Variants in EVI5 observed in about 807,000 individuals in gnomAD.
The protein encoded by EVI5 is ecotropic viral integration site 5.
A neutral mutation model predicts 112.0 loss-of-function variants in EVI5; 73 were observed. The ratio of observed to expected loss-of-function variants is 0.65; its 90% CI spans 0.54 to 0.79. The LOEUF (loss-of-function observed/expected upper bound fraction) is 0.79. Ranked by LOEUF, EVI5 falls within the 30% of genes least tolerant of loss-of-function variation. The pLI, the probability that EVI5 is intolerant of heterozygous loss-of-function variation, is 0.00. For synonymous variants in EVI5, 305 were observed against 319.9 expected (o/e 0.95, Z 0.50); for missense variants, 900 against 968.8 (o/e 0.93, Z 0.94).
rs11370771 is a variant in EVI5 at position 92,560,873 on chromosome 1, C to CTT, written c.2166+2767_2166+2768dup. On this transcript the variant is annotated intron_variant, in intron 19 of 19. Coordinates refer to ENST00000684568, the MANE Select transcript of EVI5 (RefSeq NM_001350197.2). ...AGCCATTGCACCCAGCCTACAAAAG[C>CTT]TTTTTTTTTTTTTTAAAGCTTCTGT... is the stretch of plus-strand genomic sequence containing the variant. 0.013 allele frequency among the ~76,000 whole-genome samples: 1,907 copies of CTT among 146,710 alleles called. 104 individuals carry two copies. In the East Asian group the frequency reaches 0.18, roughly 14 times the overall value.
At chr1:92,554,702 T>C (rs1667432160) in intron 19 of EVI5, among the ~76,000 whole-genome samples, 1 of 152,256 alleles carries the variant, frequency 6.6e-6, no homozygotes, top group Non-Finnish European at 1.5e-5. Flanking sequence ...GGCACAGTAG[T>C]TGATGCCTGT....
chr1:92,696,617 A>G (rs755960585), intron 6 of EVI5, among the ~76,000 whole-genome samples: 1 of 152,012 alleles, frequency 6.6e-6, no homozygotes, highest in Non-Finnish European at 1.5e-5. Context: ...AGCCTGGACA[A>G]CAGAGCTAGA....
At chr1:92,639,393 ATAT>A (rs1231563857) in intron 13 of EVI5, among the ~76,000 whole-genome samples, 2 of 152,078 alleles carry the variant, frequency 1.3e-5, no homozygotes, top group African/African-American at 4.8e-5. Flanking sequence ...GAAGTTTCTC[ATAT>A]TATTAAAAAA....
chr1:92,664,966 G>A (rs1487648372), intron 11 of EVI5, among the ~76,000 whole-genome samples: 1 of 152,156 alleles, frequency 6.6e-6, no homozygotes, highest in Non-Finnish European at 1.5e-5. Flanking sequence ...CAGCACTTTC[G>A]GAGGCCGAGG....
intron 18 of EVI5, among the ~76,000 whole-genome samples, chr1:92,602,402 A>C (rs989167614): frequency 1.3e-5 from 2 of 151,700 alleles, no homozygotes; most frequent in African/African-American, 4.9e-5. Flanking sequence ...TTTATTAAAA[A>C]AATTTTTTTT....
intron 14 of EVI5, among the ~76,000 whole-genome samples, chr1:92,635,628 G>A (rs527611865): frequency 2.0e-5 from 3 of 152,022 alleles, no homozygotes; most frequent in East Asian, 3.9e-4. Context: ...TGCGCTTCGC[G>A]GCTCAGGCTC....
chr1:92,748,423 A>G (rs1679650419), intron 1 of EVI5, among the ~76,000 whole-genome samples: 1 of 152,234 alleles, frequency 6.6e-6, no homozygotes, highest in African/African-American at 2.4e-5. Flanking sequence ...AGCTGAGACC[A>G]AAGACGTGAA....
chr1:92,785,062 GCCAGCTGGTTCCT>G lies in EVI5; in HGVS notation c.-321_-309del. 1 of 985,574 alleles carries G rather than the reference GCCAGCTGGTTCCT, an allele frequency of 1.0e-6. No homozygotes were observed. The highest frequency in any genetic ancestry group is 1.2e-6 in the Non-Finnish European group (1 of 830,074). 61.1% of individuals were successfully genotyped at this position (985,574 alleles called of 1,614,324 possible). ...ACTGCAGCCAGCCCCTTGCCAGCTG[GCCAGCTGGTTCCT>G]CCGGGGTCCGGCCCGGCCGCGTCAG... On this transcript the variant is annotated 5_prime_UTR_variant, in exon 1 of 20. Transcript: ENST00000684568.
Position 92,693,850 on chromosome 1 carries a change from A to C in EVI5, c.1049T>G (p.Leu350Arg). The change falls in exon 9 of 20, where the codon CTA becomes CGA. Residue 350 changes from leucine to arginine, a missense_variant. By Grantham distance (102) the Leu-to-Arg change is moderately radical. Coordinates refer to ENST00000684568, the MANE Select transcript of EVI5 (RefSeq NM_001350197.2). ...PHQFDGVPDK[L>R]IQAAYQVKYN... Reference sequence around the variant, plus strand: ...TTTGACTTGGTAAGCTGCTTGGATTAGCTTGTCTGGGACACCATCAAACTG... The same window carrying C: ...TTTGACTTGGTAAGCTGCTTGGATTCGCTTGTCTGGGACACCATCAAACTG... 1 of 1,608,148 alleles carries C rather than the reference A, an allele frequency of 6.2e-7. No individual in the cohort carries two copies. The highest frequency in any genetic ancestry group is 2.2e-5 in the East Asian group (1 of 44,850).
chr1:92,567,856 A>T (rs1439044132), intron 18 of EVI5, among the ~76,000 whole-genome samples: 1 of 152,214 alleles, frequency 6.6e-6, no homozygotes, highest in African/African-American at 2.4e-5. Flanking sequence ...AATACACCTT[A>T]TGCTTTTTAG....
intron 19 of EVI5, among the ~76,000 whole-genome samples, chr1:92,530,543 G>A (rs1432805751): frequency 2.6e-5 from 4 of 152,010 alleles, no homozygotes; most frequent in African/African-American, 9.7e-5. Flanking sequence ...GAGAGCTCTG[G>A]CTAGCATCTG....
At chr1:92,737,117 TGGG>T (rs1677572280) in intron 1 of EVI5, among the ~76,000 whole-genome samples, 1 of 152,052 alleles carries the variant, frequency 6.6e-6, no homozygotes, top group Non-Finnish European at 1.5e-5. Flanking sequence ...CAACAAAAAC[TGGG>T]TGTATTTAGC....
intron 2 of EVI5, among the ~76,000 whole-genome samples, chr1:92,716,277 C>T (rs1182636): frequency 0.06 from 9,163 of 152,222 alleles, 394 homozygotes; most frequent in Non-Finnish European, 0.09. Flanking sequence ...AAAGATCAGG[C>T]AGCAATATTT....
Position 92,785,101 on chromosome 1 carries a change from G to C in EVI5, c.-347C>G, listed in dbSNP as rs1685465023. 7 of 985,570 alleles carry C rather than the reference G, an allele frequency of 7.1e-6. No individual in the cohort carries two copies. The highest frequency in any genetic ancestry group is 8.4e-6 in the Non-Finnish European group (7 of 830,038). 61.1% of individuals were successfully genotyped at this position (985,570 alleles called of 1,614,324 possible). Reference sequence around the variant, plus strand: ...CCGGGGTCCGGCCCGGCCGCGTCAGGAGAGCCCAAGGCGCAGGCGCGGGAG... The same window carrying C: ...CCGGGGTCCGGCCCGGCCGCGTCAGCAGAGCCCAAGGCGCAGGCGCGGGAG... On this transcript the variant is annotated 5_prime_UTR_variant, in exon 1 of 20. Coordinates refer to ENST00000684568, the MANE Select transcript of EVI5 (RefSeq NM_001350197.2).
intron 1 of EVI5, among the ~76,000 whole-genome samples, chr1:92,765,422 C>T (rs1256070246): frequency 6.6e-6 from 1 of 150,966 alleles, no homozygotes; most frequent in Non-Finnish European, 1.5e-5. Flanking sequence ...TTTATATTGA[C>T]CACCAAAACA....
chr1:92,740,650 A>T (rs745966361), intron 1 of EVI5, among the ~76,000 whole-genome samples: 16 of 152,130 alleles, frequency 1.1e-4, no homozygotes, highest in Non-Finnish European at 2.2e-4. Context: ...ATATGTGTGT[A>T]TGTGTGTGTC....
chr1:92,703,815 C>A, intron 3 of EVI5, 196 bp from the exon 4 acceptor site: 1 of 490,028 alleles, frequency 2.0e-6, no homozygotes. Flanking sequence ...CTCTTCTGGT[C>A]AGGGGATTAA....
At chr1:92,763,565 T>G (rs892360179) in intron 1 of EVI5, among the ~76,000 whole-genome samples, 1 of 152,050 alleles carries the variant, frequency 6.6e-6, no homozygotes, top group African/African-American at 2.4e-5. Context: ...CAATGAGCTA[T>G]GATCATGCCA....
intron 19 of EVI5, among the ~76,000 whole-genome samples, chr1:92,526,801 TATAGAA>T (rs1661953789): frequency 6.6e-6 from 1 of 152,124 alleles, no homozygotes; most frequent in Non-Finnish European, 1.5e-5. Flanking sequence ...TGTCAAAACA[TATAGAA>T]TGTACAACAC....
Sources: allele counts gnomAD v4.1 joint callset (sites outside exome capture counted in the v4.1 genomes callset), GRCh38; gene constraint gnomAD v4.1.1; transcripts MANE v1.5; gene names NCBI Gene and HGNC (gene_info 2026-07-23, HGNC 2026-07-21).